Variants in ZPBP observed in about 807,000 individuals in gnomAD.
ZPBP encodes zona pellucida-binding protein 1.
A neutral mutation model predicts 44.8 loss-of-function variants in ZPBP; 26 were observed. The observed-to-expected ratio is 0.58, with a 90% confidence interval of 0.43 to 0.81. ZPBP has a LOEUF of 0.81. ZPBP is among the 30% of genes least tolerant of loss of function. The pLI is 0.00. For synonymous variants in ZPBP, 174 were observed against 153.2 expected, an observed-to-expected ratio of 1.14 and a Z score of -1.00; for missense variants, 409 against 434.0, an observed-to-expected ratio of 0.94 and a Z score of 0.51.
chr7:50,068,773 T>TGC (rs1801672999), intron 3 of ZPBP, among the ~76,000 whole-genome samples: 3 of 152,224 alleles, frequency 2.0e-5, no homozygotes, highest in South Asian at 4.1e-4. Flanking sequence ...TCCTTGGTCC[T>TGC]GCCTTACAAA....
intron 2 of ZPBP, among the ~76,000 whole-genome samples, chr7:49,856,277 A>T (rs752420357): frequency 6.6e-6 from 1 of 152,046 alleles, no homozygotes; most frequent in Non-Finnish European, 1.5e-5. Flanking sequence ...CTTGGTAATG[A>T]GTGGGTTCTC....
intron 4 of ZPBP, among the ~76,000 whole-genome samples, chr7:50,036,606 C>T (rs1465076995): frequency 1.3e-5 from 2 of 152,110 alleles, no homozygotes; most frequent in African/African-American, 2.4e-5. Flanking sequence ...ATCCCTCAAA[C>T]ATTTTTAAAC....
intron 2 of ZPBP, among the ~76,000 whole-genome samples, chr7:49,860,351 T>A (rs1370616244): frequency 2.0e-5 from 3 of 152,344 alleles, no homozygotes; most frequent in East Asian, 3.9e-4. Context: ...ACTCATTCAA[T>A]ATTTGTCCTT....
chr7:50,065,872 T>C (rs1029463246), intron 3 of ZPBP, among the ~76,000 whole-genome samples: 6 of 151,120 alleles, frequency 4.0e-5, no homozygotes, highest in African/African-American at 1.5e-4. Flanking sequence ...GGCCTGTTCC[T>C]TTTAACTTGT....
chr7:50,077,696 T>A (rs186046840), intron 3 of ZPBP, among the ~76,000 whole-genome samples: 66 of 151,818 alleles, frequency 4.3e-4, no homozygotes, highest in African/African-American at 1.4e-3. Flanking sequence ...ACAAGAGGTA[T>A]CATCTCACCA....
chr7:49,854,159 G>A (rs1372487308), intron 2 of ZPBP, among the ~76,000 whole-genome samples: 2 of 152,094 alleles, frequency 1.3e-5, no homozygotes, highest in African/African-American at 4.8e-5. Flanking sequence ...ATTGTGAATA[G>A]TGCCGCAATA....
downstream of ZPBP, chr7:49,850,282 C>G (rs1790124191): frequency 6.6e-6 from 1 of 152,260 alleles, no homozygotes; most frequent in South Asian, 2.1e-4. Context: ...TACATCATCA[C>G]CTAGGAATTT....
chr7:49,896,026 T>G (rs2128732524), intron 2 of ZPBP, among the ~76,000 whole-genome samples: 1 of 152,292 alleles, frequency 6.6e-6, no homozygotes, highest in South Asian at 2.1e-4. Context: ...GTCTATAAAA[T>G]TAAAGTAAAC....
At chr7:49,912,241 A>G in intron 1 of ZPBP, 1 of 1,580,024 alleles carries the variant, frequency 6.3e-7, no homozygotes, top group Non-Finnish European at 8.6e-7. Context: ...TGATGTGAAC[A>G]TTCTAGATGA....
chr7:50,029,924 C>T (rs942589016), intron 5 of ZPBP, among the ~76,000 whole-genome samples: 25 of 152,182 alleles, frequency 1.6e-4, no homozygotes, highest in Non-Finnish European at 2.9e-4. Flanking sequence ...GGCACGATCT[C>T]GGCTCACTGA....
At chr7:49,976,749 C>T (rs560307408) in intron 7 of ZPBP, among the ~76,000 whole-genome samples, 13 of 152,224 alleles carry the variant, frequency 8.5e-5, no homozygotes, top group African/African-American at 3.1e-4. Flanking sequence ...AATTCTTCAA[C>T]ATATCTAAGA....
chr7:50,001,427 C>T (rs1443839502), intron 6 of ZPBP, among the ~76,000 whole-genome samples: 2 of 152,104 alleles, frequency 1.3e-5, no homozygotes, highest in African/African-American at 4.8e-5. Context: ...TTTGCACTCC[C>T]ATCAGTTTTT....
At chr7:49,920,856 A>C (rs1320265456) in intron 1 of ZPBP, 1 of 152,168 alleles carries the variant, frequency 6.6e-6, no homozygotes, top group Admixed American at 6.5e-5. Flanking sequence ...GATGAATGTA[A>C]AATTATAGCT....
chr7:49,956,175 GTC>G (rs1245941289), intron 7 of ZPBP, among the ~76,000 whole-genome samples: 2 of 151,966 alleles, frequency 1.3e-5, no homozygotes, highest in African/African-American at 4.8e-5. Context: ...CATTCTGTTT[GTC>G]TGTTTTTAAA....
chr7:50,040,024 T>C (rs1177787943), intron 4 of ZPBP, among the ~76,000 whole-genome samples: 3 of 152,114 alleles, frequency 2.0e-5, no homozygotes, highest in Non-Finnish European at 4.4e-5. Context: ...ATGAAAATAC[T>C]ACATTAGAAA....
intron 1 of ZPBP, among the ~76,000 whole-genome samples, chr7:49,905,287 T>C (rs1793026332): frequency 6.6e-6 from 1 of 152,204 alleles, no homozygotes; most frequent in Admixed American, 6.5e-5. Context: ...ATGATAGCTA[T>C]GGAAAGTGAC....
At position 49,930,698 on chromosome 7, in the gene ZPBP, A is replaced by G. The variant is rs77422774; in HGVS notation, n.411+5053T>C. 3.9e-4 allele frequency among the ~76,000 whole-genome samples: 59 copies of G among 152,336 alleles called. 1 individual carries two copies. In the East Asian group the frequency reaches 0.011, roughly 29 times the overall value. ...GCAAGTGGTCCAGAAGATTAGAAAT[A>G]CCTAAACCTAGCACTTCTACTTCTG... is the stretch of plus-strand genomic sequence containing the variant. On this transcript the variant is annotated intron_variant and non_coding_transcript_variant, in intron 1 of 2. Coordinates refer to the ZPBP transcript ENST00000465922.
intron 1 of ZPBP, among the ~76,000 whole-genome samples, chr7:49,910,605 TAA>T (rs11331851): frequency 1.3e-5 from 2 of 151,882 alleles, no homozygotes; most frequent in East Asian, 1.9e-4. Flanking sequence ...ATTAATCTTT[TAA>T]AAAAAAATGT....
At chr7:50,004,165 G>A (rs1211200303) in intron 6 of ZPBP, among the ~76,000 whole-genome samples, 1 of 152,108 alleles carries the variant, frequency 6.6e-6, no homozygotes, top group Non-Finnish European at 1.5e-5. Flanking sequence ...ACTTTGTTCA[G>A]CTGCCACCAC....
Sources: gnomAD v4.1 joint callset for allele counts (sites outside exome capture counted in the v4.1 genomes callset) on GRCh38, gnomAD v4.1.1 for gene constraint, MANE v1.5 for transcripts, NCBI Gene and HGNC (gene_info 2026-07-23, HGNC 2026-07-21) for gene names.